The following SLC38A12 variants were observed in gnomAD, a reference collection of about 807,000 sequenced individuals.
The protein encoded by SLC38A12 is solute carrier family 38 member 12, also known as putative sodium-coupled neutral amino acid transporter 12.
chr17:74,838,544 C>T, the SLC38A12 span: 21 of 1,126,910 alleles, frequency 1.9e-5, no homozygotes, highest in Admixed American at 2.7e-4. Flanking sequence ...AGTCTGGAAC[C>T]GCCCAGCCAT....
chr17:74,837,779 C>T, the SLC38A12 span: 16 of 985,826 alleles, frequency 1.6e-5, no homozygotes, highest in Non-Finnish European at 1.9e-5. Flanking sequence ...GGCTGGCCTC[C>T]TGGGAAACAC....
chr17:74,794,969 C>T, the SLC38A12 span: 1 of 1,493,548 alleles, frequency 6.7e-7, no homozygotes. Context: ...AACATGCAGA[C>T]ATCTCTTTGT....
At chr17:74,791,083 G>A in the SLC38A12 span, 2 of 1,554,500 alleles carry the variant, frequency 1.3e-6, no homozygotes, top group East Asian at 2.3e-5. Flanking sequence ...GGGAGCTGGT[G>A]CTTCCCTGCA....
the SLC38A12 span, among the ~76,000 whole-genome samples, chr17:74,806,293 GC>G: frequency 2.0e-5 from 3 of 152,102 alleles, no homozygotes; most frequent in Non-Finnish European, 4.4e-5. Context: ...AGCAAGACAT[GC>G]CCCGGCCTTC....
the SLC38A12 span, among the ~76,000 whole-genome samples, chr17:74,813,372 C>T: frequency 6.6e-6 from 1 of 152,342 alleles, no homozygotes; most frequent in Non-Finnish European, 1.5e-5. Flanking sequence ...ACTCTTTGTC[C>T]CATGGGTTAG....
At chr17:74,794,456 T>C in the SLC38A12 span, among the ~76,000 whole-genome samples, 1 of 152,232 alleles carries the variant, frequency 6.6e-6, no homozygotes, top group East Asian at 1.9e-4. Flanking sequence ...CAGGCCACCG[T>C]GTGCTTGGGA....
At chr17:74,789,189 C>T in the SLC38A12 span, among the ~76,000 whole-genome samples, 1 of 152,100 alleles carries the variant, frequency 6.6e-6, no homozygotes, top group African/African-American at 2.4e-5. Flanking sequence ...AATGGGGCAG[C>T]ATAGCTGTGC....
chr17:74,793,006 A>G, the SLC38A12 span, among the ~76,000 whole-genome samples: 1 of 152,076 alleles, frequency 6.6e-6, no homozygotes, highest in African/African-American at 2.4e-5. Flanking sequence ...CTCCTTTCTC[A>G]TTTTCATGTT....
chr17:74,795,014 G>A, the SLC38A12 span: 5 of 1,613,682 alleles, frequency 3.1e-6, no homozygotes, highest in South Asian at 1.1e-5. Flanking sequence ...CCTTTCAGTG[G>A]GGGTCAACTT....
At chr17:74,777,645 C>T in the SLC38A12 span, 3 of 1,407,144 alleles carry the variant, frequency 2.1e-6, no homozygotes, top group African/African-American at 1.4e-5. Flanking sequence ...CCGGGCTGGG[C>T]ACGGTGGCTC....
chr17:74,785,600 T>C, the SLC38A12 span: 1 of 1,613,266 alleles, frequency 6.2e-7, no homozygotes, highest in African/African-American at 1.3e-5. Context: ...CTGGGCTTCA[T>C]GAGGTGAGAG....
the SLC38A12 span, chr17:74,838,573 C>A: frequency 8.3e-7 from 1 of 1,202,452 alleles, no homozygotes; most frequent in Non-Finnish European, 1.0e-6. Flanking sequence ...TGGCCGTGTT[C>A]CCTGCCCTGG....
the SLC38A12 span, among the ~76,000 whole-genome samples, chr17:74,784,258 T>C: frequency 6.6e-6 from 1 of 152,196 alleles, no homozygotes; most frequent in East Asian, 1.9e-4. Context: ...GCATACGGTA[T>C]GTCACCCAAT....
the SLC38A12 span, chr17:74,790,179 G>A: frequency 6.3e-5 from 101 of 1,599,740 alleles, no homozygotes; most frequent in East Asian, 8.7e-4. Flanking sequence ...CCTCCTCCTC[G>A]TCCATCCTAC....
chr17:74,833,636 C>T, the SLC38A12 span, among the ~76,000 whole-genome samples: 8 of 152,302 alleles, frequency 5.3e-5, no homozygotes, highest in East Asian at 1.9e-4. Context: ...CAGGGATGCT[C>T]ACGTCCAGAC....
chr17:74,812,647 C>T, the SLC38A12 span, among the ~76,000 whole-genome samples: 1 of 152,186 alleles, frequency 6.6e-6, no homozygotes, highest in East Asian at 1.9e-4. Context: ...GCGATTTGTG[C>T]GCTCCGCCTC....
chr17:74,780,852 C>T, the SLC38A12 span, among the ~76,000 whole-genome samples: 1 of 152,192 alleles, frequency 6.6e-6, no homozygotes, highest in Non-Finnish European at 1.5e-5. Flanking sequence ...CATTTCTGCT[C>T]CCAACTGCCA....
At chr17:74,787,608 G>A in the SLC38A12 span, among the ~76,000 whole-genome samples, 4 of 139,050 alleles carry the variant, frequency 2.9e-5, no homozygotes, top group African/African-American at 5.4e-5. Flanking sequence ...CGGCCTGGGC[G>A]ACAGAGCGAG....
At chr17:74,788,956 T>C in the SLC38A12 span, 2 of 1,242,966 alleles carry the variant, frequency 1.6e-6, no homozygotes, top group South Asian at 1.4e-5. Context: ...TCTTTTCCTC[T>C]CAGTGCATGG....
Sources: gnomAD v4.1 joint callset for allele counts (sites outside exome capture counted in the v4.1 genomes callset) on GRCh38, gnomAD v4.1.1 for gene constraint, MANE v1.5 for transcripts, NCBI Gene and HGNC (gene_info 2026-07-23, HGNC 2026-07-21) for gene names.